The following EEF1AKMT1 variants were observed in gnomAD, a reference collection of about 807,000 sequenced individuals.
EEF1AKMT1 encodes N-6 adenine-specific DNA methyltransferase 2 (putative).
In EEF1AKMT1, 18 loss-of-function variants were observed where a neutral mutation model predicts 21.0. The ratio of observed to expected loss-of-function variants is 0.86; its 90% CI spans 0.59 to 1.27. The LOEUF is 1.27. EEF1AKMT1 is among the 50% of genes most tolerant of loss of function. The pLI is 0.00. For missense variants in EEF1AKMT1, 246 were observed against 258.6 expected (o/e 0.95, Z 0.33); for synonymous variants, 109 against 94.8 (o/e 1.15, Z -0.87).
At chr13:20,767,402 T>C (rs550466841) in intron 1 of EEF1AKMT1, among the ~76,000 whole-genome samples, 1 of 151,972 alleles carries the variant, frequency 6.6e-6, no homozygotes, top group African/African-American at 2.4e-5. Flanking sequence ...AGTATAATTC[T>C]GCTGGTGATG....
rs756279022 is a variant in EEF1AKMT1, at chr13:20,737,791, A to C, written c.159T>G (p.Phe53Leu). The C allele has an allele frequency of 9.3e-6, 15 of 1,612,416 alleles. No homozygotes were observed. Among genetic ancestry groups the C allele is most frequent in the Admixed American group, 1.7e-5 (1 of 59,880 alleles). The part of the protein sequence containing the change: ...IIEENWQLSQ[F>L]WYSQETALQL... Reference sequence around the variant, plus strand: ...GCAGAGCAGTTTCCTGACTATACCAAAACTGGCTCAGTTGCTGTAACCGAG... The same window carrying C: ...GCAGAGCAGTTTCCTGACTATACCACAACTGGCTCAGTTGCTGTAACCGAG... Residue 53 changes from phenylalanine to leucine, a missense_variant, in exon 3 of 5, where the codon TTT becomes TTG. Physicochemically the swap from Phe to Leu is conservative, Grantham distance 22. Coordinates refer to ENST00000382758, the MANE Select transcript of EEF1AKMT1 (RefSeq NM_001318939.2).
chr13:20,751,876 T>G (rs1016724187), intron 2 of EEF1AKMT1, among the ~76,000 whole-genome samples: 1 of 152,196 alleles, frequency 6.6e-6, no homozygotes, highest in Non-Finnish European at 1.5e-5. Context: ...TTGGTTAAAT[T>G]TATTACTAGG....
chr13:20,765,175 C>A (rs1191034324), intron 1 of EEF1AKMT1, among the ~76,000 whole-genome samples: 1 of 151,936 alleles, frequency 6.6e-6, no homozygotes, highest in African/African-American at 2.4e-5. Context: ...GCAGGAAAAT[C>A]GCTTGAACCC....
chr13:20,764,880 A>AACACACACAC (rs34574835), intron 1 of EEF1AKMT1, among the ~76,000 whole-genome samples: 4,994 of 139,816 alleles, frequency 0.036, 145 homozygotes, highest in East Asian at 0.13. Flanking sequence ...TTTCACTTTC[A>AACACACACAC]ACACACACAC....
chr13:20,744,243 C>T (rs2058889956), intron 2 of EEF1AKMT1, among the ~76,000 whole-genome samples: 1 of 152,124 alleles, frequency 6.6e-6, no homozygotes. Flanking sequence ...CGTTCTAGAG[C>T]CTTGAGGAAT....
intron 2 of EEF1AKMT1, among the ~76,000 whole-genome samples, chr13:20,742,363 AAAATGACAGGTGTC>A (rs896088743): frequency 3.8e-4 from 58 of 152,234 alleles, no homozygotes; most frequent in African/African-American, 1.4e-3. Flanking sequence ...TGAGAAAAAA[AAAATGACAGGTGTC>A]AAATAGAACT....
chr13:20,729,555 A>C (rs2058779929), intron 4 of EEF1AKMT1, among the ~76,000 whole-genome samples: 1 of 152,122 alleles, frequency 6.6e-6, no homozygotes, highest in African/African-American at 2.4e-5. Context: ...TAATTACTAA[A>C]AACTACATTT....
chr13:20,763,133 G>C (rs1276219480), intron 1 of EEF1AKMT1, among the ~76,000 whole-genome samples: 2 of 152,072 alleles, frequency 1.3e-5, no homozygotes, highest in East Asian at 1.9e-4. Context: ...TTTGGTTTTG[G>C]TAACAAGGTA....
intron 3 of EEF1AKMT1, among the ~76,000 whole-genome samples, chr13:20,737,272 G>C (rs979298345): frequency 6.6e-6 from 1 of 152,104 alleles, no homozygotes; most frequent in Non-Finnish European, 1.5e-5. Flanking sequence ...GCTGAGGCAA[G>C]AGAATTGCTT....
At chr13:20,739,443 T>C (rs972018050) in intron 2 of EEF1AKMT1, among the ~76,000 whole-genome samples, 1 of 152,214 alleles carries the variant, frequency 6.6e-6, no homozygotes, top group Non-Finnish European at 1.5e-5. Flanking sequence ...AGCTGATTGG[T>C]CTGTTTTACA....
intron 2 of EEF1AKMT1, among the ~76,000 whole-genome samples, chr13:20,746,382 A>G (rs2058904668): frequency 1.3e-5 from 2 of 152,096 alleles, no homozygotes; most frequent in African/African-American, 4.8e-5. Flanking sequence ...CGAACTCCTG[A>G]CCTTGTGATC....
chr13:20,766,538 A>G (rs2059033837), intron 1 of EEF1AKMT1, among the ~76,000 whole-genome samples: 1 of 151,860 alleles, frequency 6.6e-6, no homozygotes, highest in South Asian at 2.1e-4. Context: ...ATTATGGTAC[A>G]TGGCTGGGTG....
intron 2 of EEF1AKMT1, among the ~76,000 whole-genome samples, chr13:20,748,482 A>C (rs895439266): frequency 6.6e-6 from 1 of 151,844 alleles, no homozygotes; most frequent in African/African-American, 2.4e-5. Flanking sequence ...AAAGAAAAAC[A>C]ATAGTCTTCT....
intron 3 of EEF1AKMT1, among the ~76,000 whole-genome samples, chr13:20,734,150 A>C (rs941753278): frequency 3.3e-5 from 5 of 152,250 alleles, no homozygotes; most frequent in Non-Finnish European, 7.3e-5. Context: ...ATATATGCAC[A>C]CTATGAAAAC....
rs556824045 is a variant in EEF1AKMT1, at chr13:20,737,521, G to A, written c.227+202C>T. Among the ~76,000 whole-genome samples the A allele has an allele frequency of 2.0e-5, 3 of 152,318 alleles. No homozygotes were observed. The South Asian group carries it at 6.2e-4, about 32-fold the overall frequency. On this transcript the variant is annotated intron_variant, in intron 3 of 4. Transcript: ENST00000382758. Reference sequence around the variant, plus strand: ...AGGTTAGAAAATGTTAAAAGGAAGAGATAAGACATTCCACAATGAATAGGT... The same window carrying A: ...AGGTTAGAAAATGTTAAAAGGAAGAAATAAGACATTCCACAATGAATAGGT...
intron 2 of EEF1AKMT1, chr13:20,747,322 G>A: frequency 4.0e-6 from 1 of 247,232 alleles, no homozygotes; most frequent in Non-Finnish European, 8.4e-6. Flanking sequence ...AAATGTCATA[G>A]TACTGAAGAT....
chr13:20,731,832 A>G lies in EEF1AKMT1; in HGVS notation c.508+9T>C, dbSNP rs1361326004. 1.2e-6 allele frequency: 2 copies of G among 1,605,422 alleles called. No homozygotes were observed. Among genetic ancestry groups the G allele is most frequent in the Non-Finnish European group, 1.7e-6 (2 of 1,173,904 alleles). ...GTGACTTTGATGAGATATGAAATGC[A>G]GCACCTACCTGTGCACAGCAGAATC... On this transcript the variant is annotated intron_variant, in intron 4 of 4. Coordinates refer to ENST00000382758, the MANE Select transcript of EEF1AKMT1 (RefSeq NM_001318939.2).
intron 1 of EEF1AKMT1, among the ~76,000 whole-genome samples, chr13:20,761,279 C>A (rs1218329653): frequency 6.6e-6 from 1 of 152,176 alleles, no homozygotes; most frequent in Non-Finnish European, 1.5e-5. Flanking sequence ...CCCTGGAAAG[C>A]ATTTGTTCTC....
chr13:20,730,491 A>T (rs573991401), intron 4 of EEF1AKMT1, among the ~76,000 whole-genome samples: 85 of 152,292 alleles, frequency 5.6e-4, no homozygotes, highest in African/African-American at 1.9e-3. Context: ...GTCAGTTGGT[A>T]AGGTTTCAGT....
Sources: allele counts gnomAD v4.1 joint callset (sites outside exome capture counted in the v4.1 genomes callset), GRCh38; gene constraint gnomAD v4.1.1; transcripts MANE v1.5; gene names NCBI Gene and HGNC (gene_info 2026-07-23, HGNC 2026-07-21).